Variants in PRORP observed in about 807,000 individuals in gnomAD.
The protein encoded by PRORP is mitochondrial ribonuclease P catalytic subunit.
PRORP carries 51 observed loss-of-function variants against 59.4 expected under a neutral mutation model. That is an observed-to-expected ratio of 0.86 (90% CI 0.69 to 1.08). The LOEUF (loss-of-function observed/expected upper bound fraction) is 1.08. PRORP is among the 50% of genes least tolerant of loss of function. PRORP has a pLI of 0.00. For synonymous variants in PRORP, 231 were observed against 245.6 expected (o/e 0.94, Z 0.55); for missense variants, 646 against 690.3 (o/e 0.94, Z 0.72).
chr14:35,248,403 A>C (rs1440502442), intron 5 of PRORP, among the ~76,000 whole-genome samples: 3 of 152,218 alleles, frequency 2.0e-5, no homozygotes, highest in Non-Finnish European at 1.5e-5. Flanking sequence ...TGCAGCTTAC[A>C]TACCACCTGG....
At chr14:35,132,126 A>G (rs1167775410) in intron 4 of PRORP, among the ~76,000 whole-genome samples, 6 of 151,450 alleles carry the variant, frequency 4.0e-5, no homozygotes, top group Non-Finnish European at 8.8e-5. Flanking sequence ...GGCATGAGCC[A>G]CTGCGCCCAG....
chr14:35,241,836 C>G (rs535619068), intron 5 of PRORP, among the ~76,000 whole-genome samples: 1 of 152,236 alleles, frequency 6.6e-6, no homozygotes, highest in East Asian at 1.9e-4. Flanking sequence ...TTTGCATTTG[C>G]TGATTCTTTA....
intron 5 of PRORP, among the ~76,000 whole-genome samples, chr14:35,208,045 G>T (rs1295867388): frequency 6.6e-6 from 1 of 152,010 alleles, no homozygotes; most frequent in African/African-American, 2.4e-5. Flanking sequence ...AGCTACTTGG[G>T]AGGCTGAGGC....
At chr14:35,156,959 CTT>C (rs11370871) in intron 4 of PRORP, among the ~76,000 whole-genome samples, 2 of 137,018 alleles carry the variant, frequency 1.5e-5, no homozygotes, top group African/African-American at 2.7e-5. Context: ...TTTTTCTTTT[CTT>C]TTTTTTTTTT....
At chr14:35,199,578 G>A (rs746221666) in intron 5 of PRORP, among the ~76,000 whole-genome samples, 8 of 152,120 alleles carry the variant, frequency 5.3e-5, no homozygotes, top group Non-Finnish European at 1.0e-4. Context: ...TGAGGACACA[G>A]TGTTCAAGGT....
rs534603746 is a variant in PRORP, at chr14:35,272,043, A to C, written c.1621-1392A>C. Among the ~76,000 whole-genome samples, 138 of 150,918 alleles carry C rather than the reference A, an allele frequency of 9.1e-4. 1 individual carries two copies. Among genetic ancestry groups the C allele is most frequent in the Admixed American group, 2.2e-3 (33 of 15,148 alleles). ...TCCGTCTCAAAAAAAACAAAAAAAA[A>C]CAACAAAAAAAAAACGGAGATGTTG... On this transcript the variant is annotated intron_variant, in intron 7 of 7. Transcript: ENST00000534898.
At chr14:35,177,101 C>T (rs933622332) in intron 4 of PRORP, among the ~76,000 whole-genome samples, 10 of 152,140 alleles carry the variant, frequency 6.6e-5, no homozygotes, top group Admixed American at 2.6e-4. Context: ...CCCACTTGAT[C>T]GTGGTGGATA....
At chr14:35,256,111 C>T (rs1223327451) in intron 5 of PRORP, among the ~76,000 whole-genome samples, 4 of 151,062 alleles carry the variant, frequency 2.6e-5, no homozygotes, top group East Asian at 4.0e-4. Context: ...TGGTGAAACC[C>T]CATCTCTACT....
At chr14:35,190,220 G>A (rs1285978516) in intron 5 of PRORP, among the ~76,000 whole-genome samples, 2 of 151,594 alleles carry the variant, frequency 1.3e-5, no homozygotes, top group South Asian at 4.2e-4. Flanking sequence ...CCAACATGGC[G>A]AAACCCTGTC....
chr14:35,156,898 G>A (rs956468753), intron 4 of PRORP, among the ~76,000 whole-genome samples: 4 of 150,938 alleles, frequency 2.7e-5, no homozygotes, highest in African/African-American at 9.7e-5. Context: ...ACCTTTTTTT[G>A]TAGTCGTTGT....
At chr14:35,170,852 TTTTCTTTTTTTTTTGTGACGGAG>T (rs2048296962) in intron 4 of PRORP, among the ~76,000 whole-genome samples, 1 of 152,082 alleles carries the variant, frequency 6.6e-6, no homozygotes, top group East Asian at 1.9e-4. Context: ...TCTTTTTCTT[TTTTCTTTTTTTTTTGTGACGGAG>T]TTTCACTCTT....
chr14:35,123,881 T>C lies in PRORP; in HGVS notation c.636T>C (p.Gly212=). Residue 212 remains glycine, a synonymous_variant, in exon 2 of 8, where the codon GGT becomes GGC. Transcript: ENST00000534898. ...GATATAAGACTTTAGAACCTAGAGGTTACAGTCTTCTCATCCGGGGATTGA... is the reference window on the plus strand; with the variant it reads ...GATATAAGACTTTAGAACCTAGAGGCTACAGTCTTCTCATCCGGGGATTGA... ...KARYKTLEPR[G]YSLLIRGLIH... is the part of the protein sequence containing the mutation. 1 of 1,614,150 alleles carries C rather than the reference T, an allele frequency of 6.2e-7. No homozygotes were observed. Among genetic ancestry groups the C allele is most frequent in the East Asian group, 2.2e-5 (1 of 44,872 alleles).
At chr14:35,141,175 T>A (rs2047471542) in intron 4 of PRORP, among the ~76,000 whole-genome samples, 1 of 145,768 alleles carries the variant, frequency 6.9e-6, no homozygotes, top group African/African-American at 2.4e-5. Context: ...AATTTGGAGC[T>A]ATGCGCATAG....
chr14:35,187,983 T>C (rs2048782940), intron 5 of PRORP, among the ~76,000 whole-genome samples: 1 of 151,198 alleles, frequency 6.6e-6, no homozygotes, highest in Non-Finnish European at 1.5e-5. Flanking sequence ...CCTGAGTAGC[T>C]GGGATTACAG....
At chr14:35,145,337 T>G (rs1012161806) in intron 4 of PRORP, among the ~76,000 whole-genome samples, 2 of 144,560 alleles carry the variant, frequency 1.4e-5, no homozygotes, top group African/African-American at 4.9e-5. Flanking sequence ...GAAGTGGGTT[T>G]TATCCTGATT....
chr14:35,208,405 G>A (rs550104953), intron 5 of PRORP, among the ~76,000 whole-genome samples: 1 of 152,226 alleles, frequency 6.6e-6, no homozygotes, highest in South Asian at 2.1e-4. Context: ...TTATTTTAGT[G>A]AAGCCCCATC....
intron 4 of PRORP, among the ~76,000 whole-genome samples, chr14:35,154,572 T>G (rs1265916967): frequency 1.3e-5 from 2 of 152,062 alleles, no homozygotes; most frequent in African/African-American, 4.8e-5. Context: ...CATCTAGAGC[T>G]CACTACTAAT....
intron 4 of PRORP, chr14:35,144,362 A>G (rs1478766053): frequency 6.8e-6 from 1 of 146,102 alleles, no homozygotes; most frequent in African/African-American, 2.4e-5. Context: ...TGACCTGCAG[A>G]TATTTTTTTG....
intron 4 of PRORP, among the ~76,000 whole-genome samples, chr14:35,162,613 TA>T (rs979644822): frequency 2.4e-5 from 1 of 41,774 alleles, no homozygotes; most frequent in African/African-American, 8.6e-5. Flanking sequence ...TTTTGAGGCT[TA>T]TTTTTTTTCT....
Sources: allele counts gnomAD v4.1 joint callset (sites outside exome capture counted in the v4.1 genomes callset), GRCh38; gene constraint gnomAD v4.1.1; transcripts MANE v1.5; gene names NCBI Gene and HGNC (gene_info 2026-07-23, HGNC 2026-07-21).